Variants in WASF3 observed in about 807,000 individuals in gnomAD.
The protein encoded by WASF3 is WASP family member 3.
In WASF3, 11 loss-of-function variants were observed where a neutral mutation model predicts 46.6. The ratio of observed to expected loss-of-function variants is 0.24; its 90% CI spans 0.15 to 0.39. WASF3 has a LOEUF of 0.39. Among genes scored for constraint, WASF3 ranks in the 10% least tolerant of loss-of-function variants. WASF3 has a pLI of 1.00. For missense variants in WASF3, 576 were observed against 669.8 expected (o/e 0.86, Z 1.55); for synonymous variants, 242 against 259.7 (o/e 0.93, Z 0.65).
chr13:26,649,343 C>T (rs1200214964), intron 3 of WASF3, among the ~76,000 whole-genome samples: 1 of 152,184 alleles, frequency 6.6e-6, no homozygotes, highest in Non-Finnish European at 1.5e-5. Flanking sequence ...AGAAGCAAGA[C>T]CCACAGATGA....
rs58237286 is a variant in WASF3, at chr13:26,633,200, CTTTTT to C, written c.-10-9049_-10-9045del. Among the ~76,000 whole-genome samples, 18 of 90,436 alleles carry C rather than the reference CTTTTT, an allele frequency of 2.0e-4. No homozygotes were observed. In the East Asian group the frequency reaches 4.7e-3, roughly 23 times the overall value. 59.3% of individuals were successfully genotyped at this position (90,436 alleles called of 152,430 possible). A position where few individuals can be genotyped will look rare whatever the true frequency, so the allele number is the denominator to read the frequency against. On this transcript the variant is annotated intron_variant, in intron 2 of 9. Transcript: ENST00000335327. Reference sequence around the variant, plus strand: ...AGTTCTGTTTTGATCTTAGTTATTTCTTTTTTTTTTTTTTTTCTTGAGGCAGAGTT... The same window carrying C: ...AGTTCTGTTTTGATCTTAGTTATTTCTTTTTTTTTTTCTTGAGGCAGAGTT...
chr13:26,597,444 TTTGTTGTTG>T (rs376294093), intron 1 of WASF3, among the ~76,000 whole-genome samples: 34 of 152,130 alleles, frequency 2.2e-4, no homozygotes, highest in African/African-American at 4.6e-4. Context: ...CCCTTGATTT[TTTGTTGTTG>T]TTGTTGTTGT....
chr13:26,551,242 T>C, the WASF3 span, among the ~76,000 whole-genome samples: 3 of 152,080 alleles, frequency 2.0e-5, no homozygotes, highest in Admixed American at 2.0e-4. Context: ...CAGAACTGAG[T>C]CAATTAAACC....
intron 1 of WASF3, among the ~76,000 whole-genome samples, chr13:26,600,886 G>A (rs894023175): frequency 7.2e-5 from 11 of 152,130 alleles, no homozygotes; most frequent in African/African-American, 2.2e-4. Flanking sequence ...CCTTAGTTGT[G>A]GGAATGTGGT....
chr13:26,656,843 T>C (rs1882482123), intron 3 of WASF3, among the ~76,000 whole-genome samples: 1 of 152,076 alleles, frequency 6.6e-6, no homozygotes, highest in Non-Finnish European at 1.5e-5. Context: ...ATAGATTAGG[T>C]ACAGAAAAAG....
At chr13:26,560,304 A>G (rs1879256738) in intron 1 of WASF3, among the ~76,000 whole-genome samples, 1 of 152,186 alleles carries the variant, frequency 6.6e-6, no homozygotes, top group African/African-American at 2.4e-5. Context: ...ATTTTATGCC[A>G]GTAATACATA....
At chr13:26,623,260 C>T (rs1881362245) in intron 2 of WASF3, among the ~76,000 whole-genome samples, 1 of 152,164 alleles carries the variant, frequency 6.6e-6, no homozygotes, top group African/African-American at 2.4e-5. Flanking sequence ...AGCCTGGAGA[C>T]TAGACAGAAC....
intron 2 of WASF3, among the ~76,000 whole-genome samples, chr13:26,624,386 A>C (rs1301231833): frequency 1.3e-5 from 2 of 152,206 alleles, no homozygotes; most frequent in African/African-American, 4.8e-5. Context: ...ACAGTGAAAC[A>C]AAAGAAGAAA....
chr13:26,642,304 C>T lies in WASF3; in HGVS notation c.34C>T (p.His12Tyr). Residue 12 changes from histidine (H) to tyrosine (Y), a missense_variant, in exon 3 of 10, where the codon CAC (histidine) becomes TAC (tyrosine). By Grantham distance (83) the His-to-Tyr change is moderately conservative. Around this residue, in one of 3 missense-constraint regions of WASF3, gnomAD observed 213 missense variants for 278.0 expected, o/e 0.77. Transcript: ENST00000335327. ...PLVKRNIEPRHLCRGALPEGI... is the reference protein window; with the variant it reads ...PLVKRNIEPRYLCRGALPEGI... ...AGTGAAGAGGAACATTGAGCCCCGG[C>T]ACTTGTGCCGGGGAGCTCTGCCTGA... 1.3e-6 allele frequency: 2 copies of T among 1,596,470 alleles called. No homozygotes were observed. The highest frequency in any genetic ancestry group is 1.1e-5 in the South Asian group (1 of 87,258).
intron 3 of WASF3, among the ~76,000 whole-genome samples, chr13:26,657,633 A>C (rs1433557575): frequency 2.0e-5 from 3 of 152,238 alleles, no homozygotes; most frequent in Non-Finnish European, 4.4e-5. Flanking sequence ...ACATGAGTTC[A>C]TGTGGTACTA....
At chr13:26,678,310 T>G (rs1365598001) in intron 7 of WASF3, among the ~76,000 whole-genome samples, 2 of 152,156 alleles carry the variant, frequency 1.3e-5, no homozygotes, top group African/African-American at 2.4e-5. Flanking sequence ...AAATAAGACA[T>G]GCTTATTATA....
intron 1 of WASF3, among the ~76,000 whole-genome samples, chr13:26,578,766 A>G (rs574730140): frequency 2.0e-5 from 3 of 151,778 alleles, no homozygotes; most frequent in East Asian, 1.9e-4. Context: ...CGTTTCATGT[A>G]TTTTGCCTTA....
rs770441031 is a variant in WASF3 at position 26,682,633 on chromosome 13, A to G, written c.1010A>G (p.Tyr337Cys). The change falls in exon 9 of 10, where the codon TAT becomes TGT. Residue 337 changes from tyrosine (Y) to cysteine (C), a missense_variant. By Grantham distance (194) the Tyr-to-Cys change is radical. Coordinates refer to ENST00000335327, the MANE Select transcript of WASF3 (RefSeq NM_006646.6). The surrounding 1 kb of genome is among the most constrained non-coding windows in gnomAD (Gnocchi z 4.4). ...ATGCTCCCAGCGCAGATAATTGAGTATTACAACCCATCCGGACCACCTCCT... is the reference window on the plus strand; with the variant it reads ...ATGCTCCCAGCGCAGATAATTGAGTGTTACAACCCATCCGGACCACCTCCT... Reference protein sequence around the residue: ...YGMLPAQIIEYYNPSGPPPPP... With the variant: ...YGMLPAQIIECYNPSGPPPPP... 6 of 1,614,118 alleles carry G rather than the reference A, an allele frequency of 3.7e-6. No homozygotes were observed. The highest frequency in any genetic ancestry group is 5.1e-6 in the Non-Finnish European group (6 of 1,180,034).
intron 1 of WASF3, among the ~76,000 whole-genome samples, chr13:26,608,302 G>T (rs1566049344): frequency 6.6e-6 from 1 of 152,026 alleles, no homozygotes; most frequent in African/African-American, 2.4e-5. Context: ...TTAGATCTGT[G>T]GTAAGTAATT....
intron 2 of WASF3, chr13:26,620,845 C>CT (rs1480675069): frequency 1.3e-5 from 2 of 152,198 alleles, no homozygotes; most frequent in Non-Finnish European, 2.9e-5. Flanking sequence ...GAAAGACAAA[C>CT]TGTGTCCCAG....
intron 9 of WASF3, among the ~76,000 whole-genome samples, chr13:26,683,931 G>C (rs1175814558): frequency 6.6e-6 from 1 of 152,162 alleles, no homozygotes; most frequent in African/African-American, 2.4e-5. Flanking sequence ...CATGTTATGG[G>C]AATATCCAAG....
Position 26,667,663 on chromosome 13 carries a change from C to T in WASF3, c.415C>T (p.Pro139Ser). 1 of 1,613,918 alleles carries T rather than the reference C, an allele frequency of 6.2e-7. No individual in the cohort carries two copies. Among genetic ancestry groups the T allele is most frequent in the Non-Finnish European group, 8.5e-7 (1 of 1,179,944 alleles). Reference protein sequence around the residue: ...DKPPPLNILTPYRDDKKDGLK... With the variant: ...DKPPPLNILTSYRDDKKDGLK... ...GCCACCGCCTCTGAACATCCTGACA[C>T]CATACAGGTATAGCTTCATGAGTCC... The change falls in exon 5 of 10, where the codon CCA (proline) becomes TCA (serine). Residue 139 changes from proline to serine, a missense_variant. Physicochemically the swap from Pro to Ser is moderately conservative, Grantham distance 74. Coordinates refer to ENST00000335327, the MANE Select transcript of WASF3 (RefSeq NM_006646.6).
intron 9 of WASF3, among the ~76,000 whole-genome samples, chr13:26,684,964 G>A (rs1051735026): frequency 3.3e-5 from 5 of 151,832 alleles, no homozygotes; most frequent in African/African-American, 7.3e-5. Context: ...GGCGTGCGCC[G>A]GTGGTTCCAG....
At chr13:26,649,025 G>A (rs1202409029) in intron 3 of WASF3, among the ~76,000 whole-genome samples, 1 of 152,176 alleles carries the variant, frequency 6.6e-6, no homozygotes, top group Non-Finnish European at 1.5e-5. Context: ...ATTCTTAGGA[G>A]CACAAGTTAG....
Sources: allele counts gnomAD v4.1 joint callset (sites outside exome capture counted in the v4.1 genomes callset), GRCh38; gene constraint gnomAD v4.1.1; regional missense constraint gnomAD v4.1.1; non-coding constraint Gnocchi (gnomAD v3.1); transcripts MANE v1.5; gene names NCBI Gene and HGNC (gene_info 2026-07-23, HGNC 2026-07-21).